The following DOCK4 variants were observed in gnomAD, a reference collection of about 807,000 sequenced individuals.
DOCK4 encodes dedicator of cytokinesis 4.
A neutral mutation model predicts 268.1 loss-of-function variants in DOCK4; 97 were observed. The observed-to-expected ratio is 0.36, with a 90% confidence interval of 0.31 to 0.43. The LOEUF (loss-of-function observed/expected upper bound fraction) is 0.43, where lower values mean the gene tolerates loss of function less well. Ranked by LOEUF, DOCK4 falls within the 20% of genes least tolerant of loss-of-function variation. The pLI is 1.00. For missense variants in DOCK4, 2,145 were observed against 2,455.7 expected (o/e 0.87, Z 2.67); for synonymous variants, 954 against 887.2 (o/e 1.08, Z -1.34).
intron 13 of DOCK4, among the ~76,000 whole-genome samples, chr7:111,906,045 G>C (rs28520231): frequency 0.2 from 29,662 of 151,944 alleles, 3,044 homozygotes; most frequent in Middle Eastern, 0.25. Context: ...AAAGTGTAGG[G>C]ATTAAGAATA....
chr7:112,119,734 T>A (rs1389761159), intron 1 of DOCK4, among the ~76,000 whole-genome samples: 1 of 152,142 alleles, frequency 6.6e-6, no homozygotes, highest in Non-Finnish European at 1.5e-5. Flanking sequence ...AGTTCCCTTA[T>A]CTATAAAATG....
intron 1 of DOCK4, among the ~76,000 whole-genome samples, chr7:112,068,391 A>G (rs938027027): frequency 6.6e-6 from 1 of 152,174 alleles, no homozygotes; most frequent in Non-Finnish European, 1.5e-5. Flanking sequence ...TTAAGAGCAC[A>G]CTGGCTTTGG....
At chr7:112,168,719 CAT>C (rs368049422) in intron 1 of DOCK4, among the ~76,000 whole-genome samples, 49 of 152,234 alleles carry the variant, frequency 3.2e-4, no homozygotes, top group African/African-American at 1.2e-3. Context: ...TCTCAAAAAA[CAT>C]AGAGTTAAGT....
intron 36 of DOCK4, among the ~76,000 whole-genome samples, chr7:111,771,691 C>A (rs938791846): frequency 6.6e-6 from 1 of 152,124 alleles, no homozygotes; most frequent in Non-Finnish European, 1.5e-5. Flanking sequence ...TTATAATAAA[C>A]GCTAAGTATC....
intron 1 of DOCK4, among the ~76,000 whole-genome samples, chr7:112,029,329 G>GAAGA (rs1246900499): frequency 6.6e-6 from 1 of 152,174 alleles, no homozygotes; most frequent in Non-Finnish European, 1.5e-5. Context: ...CAACCCTAGA[G>GAAGA]AAGAAAGAAT....
intron 1 of DOCK4, among the ~76,000 whole-genome samples, chr7:112,052,463 C>G (rs950600375): frequency 7.2e-5 from 11 of 152,170 alleles, no homozygotes; most frequent in African/African-American, 4.8e-5. Context: ...CTTCTTCCCC[C>G]CCTCACTTCG....
At chr7:112,027,858 C>G (rs935455561) in intron 1 of DOCK4, among the ~76,000 whole-genome samples, 2 of 152,196 alleles carry the variant, frequency 1.3e-5, no homozygotes, top group Non-Finnish European at 2.9e-5. Context: ...AGAAAAGAAG[C>G]TGAGACAAGG....
intron 23 of DOCK4, among the ~76,000 whole-genome samples, chr7:111,849,007 A>G (rs903673901): frequency 4.6e-5 from 7 of 152,220 alleles, no homozygotes; most frequent in Admixed American, 3.3e-4. Context: ...CTTCAAAAGA[A>G]GTACTTCAAA....
intron 30 of DOCK4, among the ~76,000 whole-genome samples, chr7:111,799,904 C>T (rs1800149635): frequency 6.6e-6 from 1 of 152,158 alleles, no homozygotes; most frequent in South Asian, 2.1e-4. Flanking sequence ...TATCATCCCA[C>T]TACTAATTGC....
intron 30 of DOCK4, among the ~76,000 whole-genome samples, chr7:111,794,094 G>C (rs1040075131): frequency 6.6e-6 from 1 of 152,268 alleles, no homozygotes; most frequent in Non-Finnish European, 1.5e-5. Context: ...AGATGCTGGA[G>C]GGCCAAGTAG....
chr7:112,006,969 A>G (rs1407672779), intron 1 of DOCK4, among the ~76,000 whole-genome samples: 3 of 152,200 alleles, frequency 2.0e-5, no homozygotes, highest in African/African-American at 7.2e-5. Flanking sequence ...TGCAGACCTC[A>G]GTGCTTTTAC....
At chr7:111,862,482 CTTTTTTTTTTTTTT>C (rs1168060750) in intron 23 of DOCK4, among the ~76,000 whole-genome samples, 1 of 83,380 alleles carries the variant, frequency 1.2e-5, no homozygotes, top group African/African-American at 5.2e-5. Context: ...GAAAATCATT[CTTTTTTTTTTTTTT>C]TTTTTTTTTT....
At chr7:111,744,183 T>C (rs779944611) in intron 44 of DOCK4, among the ~76,000 whole-genome samples, 6 of 152,162 alleles carry the variant, frequency 3.9e-5, no homozygotes, top group Non-Finnish European at 5.9e-5. Flanking sequence ...GTAGCAACCT[T>C]GGGCCAAGTG....
At chr7:112,008,559 A>G (rs145979541) in intron 1 of DOCK4, among the ~76,000 whole-genome samples, 1 of 152,350 alleles carries the variant, frequency 6.6e-6, no homozygotes, top group East Asian at 1.9e-4. Context: ...ATGCAGTGAA[A>G]TGGGGACTCA....
intron 23 of DOCK4, among the ~76,000 whole-genome samples, chr7:111,851,624 G>A (rs1804562049): frequency 6.6e-6 from 1 of 151,978 alleles, no homozygotes; most frequent in African/African-American, 2.4e-5. Flanking sequence ...CCCTGTTTAA[G>A]ATCCCTATTT....
chr7:112,165,743 T>C (rs1217521103), intron 1 of DOCK4, among the ~76,000 whole-genome samples: 1 of 152,110 alleles, frequency 6.6e-6, no homozygotes, highest in African/African-American at 2.4e-5. Context: ...GTACTTAACT[T>C]TTGCTGAGAA....
intron 1 of DOCK4, among the ~76,000 whole-genome samples, chr7:112,185,565 T>G (rs1819429653): frequency 6.6e-6 from 1 of 150,886 alleles, no homozygotes; most frequent in African/African-American, 2.4e-5. Context: ...TGAGGCCTGA[T>G]GACTTCAAAA....
chr7:111,867,517 C>T (rs753346399), intron 22 of DOCK4, among the ~76,000 whole-genome samples: 9 of 152,124 alleles, frequency 5.9e-5, no homozygotes, highest in South Asian at 2.1e-4. Flanking sequence ...CTGCACTGGT[C>T]TTAAAAGATC....
intron 23 of DOCK4, among the ~76,000 whole-genome samples, chr7:111,861,457 T>A (rs1805508135): frequency 6.6e-6 from 1 of 151,936 alleles, no homozygotes; most frequent in African/African-American, 2.4e-5. Context: ...TATAAAAGTA[T>A]AATATTAGGC....
Sources: gnomAD v4.1 joint callset for allele counts (sites outside exome capture counted in the v4.1 genomes callset) on GRCh38, gnomAD v4.1.1 for gene constraint, MANE v1.5 for transcripts, NCBI Gene and HGNC (gene_info 2026-07-23, HGNC 2026-07-21) for gene names.